Variants in PDS5A observed in about 807,000 individuals in gnomAD.
PDS5A encodes the protein PDS5 cohesin associated factor A, also known as sister chromatid cohesion protein PDS5 homolog A.
A neutral mutation model predicts 167.1 loss-of-function variants in PDS5A; 42 were observed. That is an observed-to-expected ratio of 0.25 (90% confidence interval 0.20 to 0.33). The LOEUF (loss-of-function observed/expected upper bound fraction) is 0.33. Among genes scored for constraint, PDS5A ranks in the 10% least tolerant of loss-of-function variants. PDS5A has a pLI of 1.00. For synonymous variants in PDS5A, 553 were observed against 554.6 expected (o/e 1.00, Z 0.04); for missense variants, 1,033 against 1,605.9 (o/e 0.64, Z 6.10).
intron 21 of PDS5A, among the ~76,000 whole-genome samples, chr4:39,872,588 T>G (rs1414768034): frequency 6.6e-6 from 1 of 152,052 alleles, no homozygotes; most frequent in Admixed American, 6.6e-5. Flanking sequence ...GAGGCCAAGG[T>G]TGCAGTGAGC....
chr4:39,951,898 CAAA>C (rs1161911794), intron 2 of PDS5A, among the ~76,000 whole-genome samples: 6 of 68,816 alleles, frequency 8.7e-5, no homozygotes, highest in African/African-American at 3.2e-4. Context: ...GAGTCTGTCT[CAAA>C]AAAAAAAAAA....
chr4:39,872,839 G>A (rs560662103), intron 21 of PDS5A, 147 bp downstream of exon 21: 11 of 443,902 alleles, frequency 2.5e-5, no homozygotes, highest in South Asian at 9.7e-5. Flanking sequence ...AAGTAGTTTC[G>A]AATTTAAATA....
intron 2 of PDS5A, among the ~76,000 whole-genome samples, chr4:39,974,673 AGC>A (rs1380684908): frequency 6.6e-6 from 1 of 151,984 alleles, no homozygotes; most frequent in Non-Finnish European, 1.5e-5. Context: ...GCCTCCCAGT[AGC>A]TAGGATTACA....
chr4:39,877,750 G>A (rs544161300), intron 18 of PDS5A, among the ~76,000 whole-genome samples: 1 of 152,062 alleles, frequency 6.6e-6, no homozygotes, highest in South Asian at 2.1e-4. Flanking sequence ...GAGACTACAG[G>A]TGCACCACCA....
Position 39,943,276 on chromosome 4 carries a change from A to C in PDS5A, c.139-15112T>G, listed in dbSNP as rs1042254901. Among the ~76,000 whole-genome samples, 9 of 152,252 alleles carry C rather than the reference A, an allele frequency of 5.9e-5. No homozygotes were observed. In the South Asian group the frequency reaches 1.9e-3, roughly 32 times the overall value. On this transcript the variant is annotated intron_variant, in intron 2 of 32. Transcript: ENST00000303538. The stretch of plus-strand genomic sequence containing the variant: ...TCTTTCAATTTCATTCAATTTCAAC[A>C]AATTATTCTTTGGGAAAAATTCAAT...
At chr4:39,890,624 C>T (rs887906080) in intron 16 of PDS5A, among the ~76,000 whole-genome samples, 17 of 146,968 alleles carry the variant, frequency 1.2e-4, no homozygotes, top group African/African-American at 4.2e-4. Context: ...GATATAGCAA[C>T]TTTTTTTTTT....
intron 28 of PDS5A, chr4:39,848,264 A>G (rs1717814131): frequency 6.5e-6 from 1 of 154,040 alleles, no homozygotes; most frequent in Non-Finnish European, 1.4e-5. Flanking sequence ...CAGGAAATAA[A>G]CAAAAGCTTT....
chr4:39,847,844 A>T (rs2109511181), intron 28 of PDS5A: 1 of 152,250 alleles, frequency 6.6e-6, no homozygotes, highest in East Asian at 1.9e-4. Flanking sequence ...CGAACTGCAG[A>T]CTGGTATGGG....
At chr4:39,926,007 A>T (rs1725423245) in intron 4 of PDS5A, 74 bp from the exon 5 acceptor site, 1 of 440,142 alleles carries the variant, frequency 2.3e-6, no homozygotes, top group Non-Finnish European at 3.8e-6. Flanking sequence ...CTCAGTAAAA[A>T]ATTAATTTTT....
chr4:39,913,317 G>A (rs1724062154), intron 9 of PDS5A, among the ~76,000 whole-genome samples: 1 of 152,020 alleles, frequency 6.6e-6, no homozygotes, highest in Admixed American at 6.6e-5. Flanking sequence ...GACCTCAAGT[G>A]ATCCGCCCAC....
At chr4:39,897,543 C>T (rs970263065) in intron 16 of PDS5A, among the ~76,000 whole-genome samples, 3 of 152,056 alleles carry the variant, frequency 2.0e-5, no homozygotes, top group Non-Finnish European at 4.4e-5. Context: ...AGATTACAGG[C>T]ATGTACCACC....
intron 26 of PDS5A, among the ~76,000 whole-genome samples, chr4:39,850,105 T>C (rs1443112448): frequency 1.3e-5 from 2 of 151,894 alleles, no homozygotes; most frequent in African/African-American, 2.4e-5. Context: ...ACCCCGTCTC[T>C]ACTAAAAATA....
intron 7 of PDS5A, among the ~76,000 whole-genome samples, chr4:39,918,724 C>T (rs921859148): frequency 9.9e-5 from 15 of 152,064 alleles, no homozygotes; most frequent in African/African-American, 3.6e-4. Flanking sequence ...CGTGGTGGCA[C>T]ACATCTGCAG....
At chr4:39,925,215 A>G (rs903604257) in intron 5 of PDS5A, among the ~76,000 whole-genome samples, 1 of 152,178 alleles carries the variant, frequency 6.6e-6, no homozygotes, top group African/African-American at 2.4e-5. Context: ...CACAAACCAA[A>G]AAACATGGGC....
intron 16 of PDS5A, among the ~76,000 whole-genome samples, chr4:39,895,583 G>T (rs1189972095): frequency 6.6e-6 from 1 of 152,156 alleles, no homozygotes; most frequent in Non-Finnish European, 1.5e-5. Flanking sequence ...GGACATTACA[G>T]TACACTACTG....
intron 5 of PDS5A, among the ~76,000 whole-genome samples, chr4:39,925,043 T>A (rs1199337065): frequency 1.3e-5 from 2 of 151,308 alleles, no homozygotes; most frequent in Non-Finnish European, 2.9e-5. Context: ...ACCCGGGAGG[T>A]GGAAGTTGCA....
At chr4:39,856,488 TG>T (rs1326065675) in intron 26 of PDS5A, among the ~76,000 whole-genome samples, 1 of 152,198 alleles carries the variant, frequency 6.6e-6, no homozygotes, top group Non-Finnish European at 1.5e-5. Flanking sequence ...TACTGTACTT[TG>T]GCTCATAACT....
chr4:39,833,764 T>C (rs1205411100), intron 32 of PDS5A, among the ~76,000 whole-genome samples: 1 of 152,060 alleles, frequency 6.6e-6, no homozygotes, highest in Non-Finnish European at 1.5e-5. Flanking sequence ...GGGAAAAAAA[T>C]TCATCTTGTT....
Position 39,841,933 on chromosome 4 carries a change from A to G in PDS5A, c.3657+15T>C, listed in dbSNP as rs1484803618. ...CTCCATGGAAAAAATCCACTTGTTAAATTTTAAAATTTACCTTATTCTTTA... is the reference window on the plus strand; with the variant it reads ...CTCCATGGAAAAAATCCACTTGTTAGATTTTAAAATTTACCTTATTCTTTA... On this transcript the variant is annotated intron_variant, in intron 31 of 32. Transcript: ENST00000303538. 2 of 1,410,928 alleles carry G rather than the reference A, an allele frequency of 1.4e-6. No homozygotes were observed. The highest frequency in any genetic ancestry group is 4.6e-5 in the East Asian group (2 of 43,922). The allele number at this position is 1,410,928 out of a possible 1,614,324, so 87.4% of individuals were successfully genotyped here.
Sources: allele counts gnomAD v4.1 joint callset (sites outside exome capture counted in the v4.1 genomes callset), GRCh38; gene constraint gnomAD v4.1.1; transcripts MANE v1.5; gene names NCBI Gene and HGNC (gene_info 2026-07-23, HGNC 2026-07-21).